The following TASP1 variants were observed in gnomAD, a reference collection of about 807,000 sequenced individuals.
TASP1 encodes threonine aspartase 1.
In TASP1, 16 loss-of-function variants were observed where a neutral mutation model predicts 56.6. The observed-to-expected ratio is 0.28, with a 90% CI of 0.19 to 0.43. TASP1 has a LOEUF of 0.43. TASP1 is among the 20% of genes least tolerant of loss of function. TASP1 has a pLI of 1.00. For synonymous variants in TASP1, 179 were observed against 184.2 expected (o/e 0.97, Z 0.23); for missense variants, 393 against 511.6 (o/e 0.77, Z 2.24).
At chr20:13,285,520 C>G in the TASP1 span, among the ~76,000 whole-genome samples, 5,141 of 152,192 alleles carry the variant, frequency 0.034, 259 homozygotes, top group African/African-American at 0.11. Context: ...GTCCCTCCCC[C>G]TCCAGGAGGC....
chr20:13,499,515 TGTTA>T (rs754838353), intron 10 of TASP1, among the ~76,000 whole-genome samples: 3 of 151,320 alleles, frequency 2.0e-5, no homozygotes, highest in Non-Finnish European at 2.9e-5. Flanking sequence ...AAGGCAAAGC[TGTTA>T]GTTACTTCAC....
At chr20:13,413,394 GC>G (rs1367383433) in intron 13 of TASP1, among the ~76,000 whole-genome samples, 1 of 151,764 alleles carries the variant, frequency 6.6e-6, no homozygotes, top group Admixed American at 6.6e-5. Context: ...TTTAAGAAAA[GC>G]TGAGTAATAT....
chr20:13,478,788 AT>A (rs1457176329), intron 11 of TASP1, among the ~76,000 whole-genome samples: 5 of 152,184 alleles, frequency 3.3e-5, no homozygotes, highest in South Asian at 2.1e-4. Flanking sequence ...ACTAAAAAAA[AT>A]AACTTACATG....
the TASP1 span, chr20:13,270,484 T>G: frequency 6.2e-7 from 1 of 1,601,174 alleles, no homozygotes; most frequent in Non-Finnish European, 8.5e-7. Context: ...AACAGGTGTT[T>G]GCTTGTTTGT....
intron 12 of TASP1, among the ~76,000 whole-genome samples, chr20:13,421,969 T>C (rs6079060): frequency 0.019 from 2,548 of 137,086 alleles, 61 homozygotes; most frequent in African/African-American, 0.059. Flanking sequence ...TTTTTTTTTT[T>C]TTGACAGAGT....
chr20:13,224,846 T>C, the TASP1 span, among the ~76,000 whole-genome samples: 17 of 140,782 alleles, frequency 1.2e-4, no homozygotes, highest in African/African-American at 3.2e-4. Flanking sequence ...TCTTTCTTTT[T>C]TTTTTTTTTT....
intron 2 of TASP1, among the ~76,000 whole-genome samples, chr20:13,627,733 TAA>T (rs35542097): frequency 1.5e-4 from 18 of 119,452 alleles, no homozygotes; most frequent in Admixed American, 3.2e-4. Flanking sequence ...AACTTAGTCT[TAA>T]AAAAAAAAAA....
At chr20:13,254,029 C>T in the TASP1 span, among the ~76,000 whole-genome samples, 1 of 146,186 alleles carries the variant, frequency 6.8e-6, no homozygotes, top group African/African-American at 2.6e-5. Context: ...ACCAGCCTGG[C>T]CAACATGGCA....
intron 11 of TASP1, among the ~76,000 whole-genome samples, chr20:13,481,219 C>A (rs1389073072): frequency 6.6e-6 from 1 of 151,992 alleles, no homozygotes; most frequent in Non-Finnish European, 1.5e-5. Flanking sequence ...AATGATCTCC[C>A]CCAGTTCCAT....
At chr20:13,355,941 T>C in the TASP1 span, among the ~76,000 whole-genome samples, 1 of 152,216 alleles carries the variant, frequency 6.6e-6, no homozygotes, top group Non-Finnish European at 1.5e-5. Flanking sequence ...AAAAAATAGC[T>C]ATGTTGATAC....
the TASP1 span, among the ~76,000 whole-genome samples, chr20:13,135,029 C>CT: frequency 6.6e-6 from 1 of 152,192 alleles, no homozygotes; most frequent in Non-Finnish European, 1.5e-5. Context: ...TTTCACATAA[C>CT]TTTTTGAAGT....
chr20:13,585,521 C>A (rs1199071637), intron 5 of TASP1, among the ~76,000 whole-genome samples: 3 of 152,104 alleles, frequency 2.0e-5, no homozygotes, highest in African/African-American at 7.2e-5. Context: ...AAATAAAAAT[C>A]TGCAAAAGAT....
chr20:13,548,650 C>A (rs2045885215), intron 8 of TASP1, among the ~76,000 whole-genome samples: 1 of 152,136 alleles, frequency 6.6e-6, no homozygotes, highest in Non-Finnish European at 1.5e-5. Flanking sequence ...GGAAGAGCTG[C>A]AACTCCAAGA....
At chr20:13,145,793 C>T in the TASP1 span, among the ~76,000 whole-genome samples, 1 of 152,168 alleles carries the variant, frequency 6.6e-6, no homozygotes, top group Non-Finnish European at 1.5e-5. Flanking sequence ...AAAACAGGCA[C>T]ATAGACCAAT....
At chr20:13,160,541 A>G in the TASP1 span, among the ~76,000 whole-genome samples, 2 of 152,228 alleles carry the variant, frequency 1.3e-5, no homozygotes, top group Admixed American at 6.5e-5. Flanking sequence ...TGGAAAACCA[A>G]CAAGAACAAA....
At chr20:13,533,931 G>GA (rs1397663968) in intron 9 of TASP1, 91 bp downstream of exon 9, 5 of 1,424,326 alleles carry the variant, frequency 3.5e-6, no homozygotes, top group African/African-American at 1.4e-5. Flanking sequence ...TTTTTCTAAA[G>GA]AAAAAATGTT....
chr20:13,282,114 C>T, the TASP1 span, among the ~76,000 whole-genome samples: 17 of 152,240 alleles, frequency 1.1e-4, no homozygotes, highest in African/African-American at 3.9e-4. Context: ...AATGGTTCTC[C>T]ACCTTGATTG....
chr20:13,320,961 G>A, the TASP1 span, among the ~76,000 whole-genome samples: 1,423 of 152,208 alleles, frequency 9.3e-3, 14 homozygotes, highest in African/African-American at 0.033. Flanking sequence ...TACTTTGGGA[G>A]GCCGAGGCTG....
At chr20:13,378,784 T>C in the TASP1 span, among the ~76,000 whole-genome samples, 4 of 152,198 alleles carry the variant, frequency 2.6e-5, no homozygotes, top group Non-Finnish European at 4.4e-5. Flanking sequence ...ATATTTAGGA[T>C]AGTTAGCTCT....
Sources: allele counts gnomAD v4.1 joint callset (sites outside exome capture counted in the v4.1 genomes callset), GRCh38; gene constraint gnomAD v4.1.1; transcripts MANE v1.5; gene names NCBI Gene and HGNC (gene_info 2026-07-23, HGNC 2026-07-21).